The following BROX variants were observed in gnomAD, a reference collection of about 807,000 sequenced individuals.
BROX encodes BRO1 domain-containing protein BROX.
In BROX, 53 loss-of-function variants were observed where a neutral mutation model predicts 61.0. The ratio of observed to expected loss-of-function variants is 0.87; its 90% CI spans 0.70 to 1.09. The LOEUF (loss-of-function observed/expected upper bound fraction) is 1.09. Ranked by LOEUF, BROX falls within the 50% of genes least tolerant of loss-of-function variation. BROX has a pLI of 0.00. For missense variants in BROX, 489 were observed against 472.0 expected (o/e 1.04, Z -0.33); for synonymous variants, 152 against 160.2 (o/e 0.95, Z 0.38).
At chr1:222,713,357 G>A (rs1443391511) in intron 1 of BROX, 1 of 985,704 alleles carries the variant, frequency 1.0e-6, no homozygotes, top group South Asian at 4.7e-5. Flanking sequence ...CTGGGCACGG[G>A]AGGAAGAGGC....
In BROX at chr1:222,715,760, T is replaced by C. The variant is rs753680507; in HGVS notation, c.61T>C (p.Tyr21His). Residue 21 changes from tyrosine (Y) to histidine (H), a missense_variant, in exon 2 of 13, where the codon TAT becomes CAT. By Grantham distance (83) the Tyr-to-His change is moderately conservative. Coordinates refer to ENST00000340934, the MANE Select transcript of BROX (RefSeq NM_144695.4). ...CACAGCTCCTGTGTCTTTTAATTACTATGGTGTAGTCACTGGCCCTTCTGC... is the reference window on the plus strand; with the variant it reads ...CACAGCTCCTGTGTCTTTTAATTACCATGGTGTAGTCACTGGCCCTTCTGC... ...KATAPVSFNY[Y>H]GVVTGPSASK... The C allele has an allele frequency of 3.1e-6, 5 of 1,596,234 alleles. No individual in the cohort carries two copies.
At position 222,728,811 on chromosome 1, in the gene BROX, T is replaced by G. The variant is rs1657712856; in HGVS notation, c.739T>G (p.Cys247Gly). 1.2e-6 allele frequency: 2 copies of G among 1,601,524 alleles called. No individual in the cohort carries two copies. Among genetic ancestry groups the G allele is most frequent in the Non-Finnish European group, 1.7e-6 (2 of 1,170,614 alleles). The part of the protein sequence containing the change: ...KWRKYLHLKM[C>G]FYTAYAYCYH... ...GAGAAAATATCTTCACTTGAAGATG[T>G]GTTTCTACACAGCTTATGTAAGTAT... Residue 247 changes from cysteine to glycine, a missense_variant, in exon 9 of 13, where the codon TGT becomes GGT. By Grantham distance (159) the Cys-to-Gly change is radical. Coordinates refer to ENST00000340934, the MANE Select transcript of BROX (RefSeq NM_144695.4).
At position 222,712,587 on chromosome 1, in the gene BROX, T is replaced by C; in HGVS notation, c.-372T>C. ...CCACTGCGCCGAGGGCCGCCATCGC[T>C]ATTGCGGCATTCTCCCTCGGCTCCG... is the stretch of plus-strand genomic sequence containing the variant. On this transcript the variant is annotated 5_prime_UTR_variant, in exon 1 of 13. Coordinates refer to ENST00000340934, the MANE Select transcript of BROX (RefSeq NM_144695.4). 2 of 1,366,950 alleles carry C rather than the reference T, an allele frequency of 1.5e-6. No individual in the cohort carries two copies. The highest frequency in any genetic ancestry group is 1.9e-6 in the Non-Finnish European group (2 of 1,049,006). The allele number at this position is 1,366,950 out of a possible 1,614,324, so 84.7% of individuals were successfully genotyped here.
intron 1 of BROX, chr1:222,713,306 T>C (rs1656212075): frequency 1.0e-6 from 1 of 985,854 alleles, no homozygotes; most frequent in Non-Finnish European, 1.2e-6. Context: ...ACTCAAGTGT[T>C]GGCGCGTGCG....
rs529267261 is a variant in BROX at position 222,727,179 on chromosome 1, C to T, written c.592C>T (p.Arg198Ter). 1.6e-4 allele frequency: 262 copies of T among 1,611,276 alleles called. 4 individuals are homozygous for T. In the South Asian group the frequency reaches 2.6e-3, roughly 16 times the overall value. Residue 198 changes from arginine to a stop codon, truncating the protein, a stop_gained, in exon 8 of 13, where the codon CGA (arginine) becomes TGA (stop). Coordinates refer to ENST00000340934, the MANE Select transcript of BROX (RefSeq NM_144695.4). LOFTEE classifies it high-confidence loss of function. ...QAEAQEVTIARAIELKHAPGL... is the reference protein window; with the variant it reads ...QAEAQEVTIA Reference sequence around the variant, plus strand: ...GTGTTTGGTTACAGTAACAATTGCTCGAGCAATTGAACTAAAACATGCTCC... The same window carrying T: ...GTGTTTGGTTACAGTAACAATTGCTTGAGCAATTGAACTAAAACATGCTCC...
intron 1 of BROX, chr1:222,713,422 T>C: frequency 6.1e-6 from 6 of 985,508 alleles, no homozygotes; most frequent in Non-Finnish European, 7.2e-6. Context: ...CTCAGGTAGG[T>C]TCCTCTGGGG....
chr1:222,725,256 C>T (rs1181994606), intron 6 of BROX, among the ~76,000 whole-genome samples, 194 bp from the exon 7 acceptor site: 2 of 152,128 alleles, frequency 1.3e-5, no homozygotes, highest in African/African-American at 4.8e-5. Flanking sequence ...CTTATAAAAG[C>T]TGAGTTTTAG....
Position 222,732,876 on chromosome 1 carries a change from G to T in BROX, c.*162G>T, listed in dbSNP as rs1047630095. The T allele has an allele frequency of 1.7e-6, 1 of 599,010 alleles. No homozygotes were observed. The highest frequency in any genetic ancestry group is 1.9e-5 in the African/African-American group (1 of 52,676). The allele number at this position is 599,010 out of a possible 1,614,324, so 37.1% of individuals were successfully genotyped here. On this transcript the variant is annotated 3_prime_UTR_variant, in exon 13 of 13. Coordinates refer to ENST00000340934, the MANE Select transcript of BROX (RefSeq NM_144695.4). ...CTTGTTCTTAATTTTTAATACAGCG[G>T]AGATGTTTCTTGCTTTGTTTTCAGA...
intron 1 of BROX, among the ~76,000 whole-genome samples, chr1:222,714,203 ATGC>A (rs1558222964): frequency 6.8e-6 from 1 of 146,574 alleles, no homozygotes; most frequent in Non-Finnish European, 1.5e-5. Context: ...TAGACAAGAC[ATGC>A]TGCTTTTTTT....
Position 222,719,274 on chromosome 1 carries a change from T to A in BROX, c.220T>A (p.Ser74Thr), listed in dbSNP as rs148199221. ...YFSLLQGFIN[S>T]LDESTQESKL... ...GTACTTTTCTATAGGTTTCATAAAT[T>A]CTTTGGATGAATCTACCCAAGAAAG... is the stretch of plus-strand genomic sequence containing the variant. The change falls in exon 4 of 13, where the codon TCT (serine) becomes ACT (threonine). Residue 74 changes from serine to threonine, a missense_variant. Ser to Thr is a moderately conservative substitution (Grantham distance 58, BLOSUM62 1). Transcript: ENST00000340934. 136 of 1,587,520 alleles carry A rather than the reference T, an allele frequency of 8.6e-5. No homozygotes were observed. The highest frequency in any genetic ancestry group is 1.1e-4 in the Non-Finnish European group (131 of 1,156,366).
In BROX at chr1:222,729,693, C is replaced by G. The variant is rs1426022959; in HGVS notation, c.830C>G (p.Ala277Gly). The part of the protein sequence containing the change: ...CGEAIRSLQE[A>G]EKLYAKAEAL... ...GAAGCAATCAGGTCTCTCCAAGAAG[C>G]AGAAAAATGTAAGTTTTCCTGCCAG... The change falls in exon 10 of 13, where the codon GCA becomes GGA. Residue 277 changes from alanine (A) to glycine (G), a missense_variant. Transcript: ENST00000340934. The G allele has an allele frequency of 2.5e-6, 4 of 1,609,018 alleles. No homozygotes were observed. The South Asian group carries it at 3.3e-5, about 13-fold the overall frequency.
intron 5 of BROX, among the ~76,000 whole-genome samples, chr1:222,723,484 G>C (rs1657257875): frequency 6.6e-6 from 1 of 151,906 alleles, no homozygotes; most frequent in African/African-American, 2.4e-5. Context: ...TTCATTTGTA[G>C]TATCTTCTTT....
Position 222,730,084 on chromosome 1 carries a change from CAACAGTCAAA to C in BROX, c.897_906del (p.Thr300LeufsTer14). The C allele has an allele frequency of 6.2e-7, 1 of 1,613,340 alleles. No homozygotes were observed. On this transcript the variant is annotated frameshift_variant, in exon 11 of 13. Coordinates refer to ENST00000340934, the MANE Select transcript of BROX (RefSeq NM_144695.4). LOFTEE classifies it high-confidence loss of function. ...TATGGAGAAACCAAAGGACCTGGAC[CAACAGTCAAA>C]CCTTCAGGACATCTGTTCTTTAGGA... is the stretch of plus-strand genomic sequence containing the variant.
Position 222,731,382 on chromosome 1 carries a change from G to T in BROX, c.1015G>T (p.Ala339Ser). 6.4e-7 allele frequency: 1 copy of T among 1,565,714 alleles called. No homozygotes were observed. Among genetic ancestry groups the T allele is most frequent in the South Asian group, 1.2e-5 (1 of 83,564 alleles). Residue 339 changes from alanine (A) to serine (S), a missense_variant, in exon 12 of 13, where the codon GCC becomes TCC. Ala to Ser is a moderately conservative substitution (Grantham distance 99, BLOSUM62 1). Transcript: ENST00000340934. ...TTACTTTCAAAAAATTCCAACAGAAGCCCCACAGCTGGAACTCAAAGCAAA... is the reference window on the plus strand; with the variant it reads ...TTACTTTCAAAAAATTCCAACAGAATCCCCACAGCTGGAACTCAAAGCAAA... Reference protein sequence around the residue: ...FIYFQKIPTEAPQLELKANYG... With the variant: ...FIYFQKIPTESPQLELKANYG...
chr1:222,725,743 C>T (rs754893718), intron 7 of BROX, among the ~76,000 whole-genome samples, 188 bp downstream of exon 7: 42 of 151,776 alleles, frequency 2.8e-4, no homozygotes, highest in Admixed American at 1.7e-3. Flanking sequence ...AACCCCAGCT[C>T]TACAGAAAAT....
At position 222,731,505 on chromosome 1, in the gene BROX, A is replaced by C. The variant is rs750367855; in HGVS notation, c.1138A>C (p.Lys380Gln). 1.3e-6 allele frequency: 2 copies of C among 1,588,414 alleles called. No homozygotes were observed. The highest frequency in any genetic ancestry group is 1.7e-6 in the Non-Finnish European group (2 of 1,173,492). Reference protein sequence around the residue: ...LAAFDLTKRPKDDSTKPKPEE... With the variant: ...LAAFDLTKRPQDDSTKPKPEE... Reference sequence around the variant, plus strand: ...TGCATTTGATCTCACCAAAAGACCCAAGGATGACAGTGTATGAGATTGTTT... The same window carrying C: ...TGCATTTGATCTCACCAAAAGACCCCAGGATGACAGTGTATGAGATTGTTT... Residue 380 changes from lysine to glutamine, a missense_variant, in exon 12 of 13, where the codon AAG becomes CAG. Lys to Gln is a moderately conservative substitution (Grantham distance 53). Coordinates refer to ENST00000340934, the MANE Select transcript of BROX (RefSeq NM_144695.4).
In BROX at chr1:222,734,878, C is replaced by T. The variant is rs1402699706; in HGVS notation, c.*2164C>T. 6.6e-6 allele frequency: 1 copy of T among 152,172 alleles called. No homozygotes were observed. The highest frequency in any genetic ancestry group is 1.5e-5 in the Non-Finnish European group (1 of 68,032). The allele number at this position is 152,172 out of a possible 1,614,324, so 9.4% of individuals were successfully genotyped here. ...ATATGCTCAGTGCTTCTGTAAAATG[C>T]AGCAATACTGGTATTACTTTACATC... On this transcript the variant is annotated 3_prime_UTR_variant, in exon 13 of 13. Coordinates refer to ENST00000340934, the MANE Select transcript of BROX (RefSeq NM_144695.4).
At chr1:222,719,727 A>T (rs920742302) in intron 4 of BROX, among the ~76,000 whole-genome samples, 1 of 152,146 alleles carries the variant, frequency 6.6e-6, no homozygotes, top group Non-Finnish European at 1.5e-5. Flanking sequence ...TTGCTGATGG[A>T]TACTTCATGT....
intron 12 of BROX, 93 bp downstream of exon 12, chr1:222,731,609 A>G: frequency 3.8e-6 from 5 of 1,321,360 alleles, no homozygotes; most frequent in South Asian, 2.7e-5. Context: ...AAATAGATAC[A>G]TATCTTTGTC....
Sources: gnomAD v4.1 joint callset for allele counts (sites outside exome capture counted in the v4.1 genomes callset) on GRCh38, gnomAD v4.1.1 for gene constraint, MANE v1.5 for transcripts, NCBI Gene and HGNC (gene_info 2026-07-23, HGNC 2026-07-21) for gene names.